Variants in DNAI7 observed in about 807,000 individuals in gnomAD.
DNAI7 encodes the protein dynein axonemal intermediate chain 7.
Under a neutral mutation model 86.6 loss-of-function variants are expected in DNAI7, and 78 were observed. That is an observed-to-expected ratio of 0.90 (90% CI 0.75 to 1.09). The LOEUF (loss-of-function observed/expected upper bound fraction) is 1.09, where lower values mean the gene tolerates loss of function less well. Ranked by LOEUF, DNAI7 falls within the 50% of genes least tolerant of loss-of-function variation. DNAI7 has a pLI of 0.00. For synonymous variants in DNAI7, 274 were observed against 273.0 expected, an observed-to-expected ratio of 1.00 and a Z score of -0.04; for missense variants, 753 against 810.2, an observed-to-expected ratio of 0.93 and a Z score of 0.86.
intron 14 of DNAI7, among the ~76,000 whole-genome samples, chr12:25,111,471 T>C (rs1938804938): frequency 6.6e-6 from 1 of 152,226 alleles, no homozygotes; most frequent in Non-Finnish European, 1.5e-5. Flanking sequence ...GGAAATCTCA[T>C]ATAATATCCA....
intron 12 of DNAI7, among the ~76,000 whole-genome samples, chr12:25,117,938 C>CTTTCT (rs1555154890): frequency 0.39 from 53,071 of 134,532 alleles, 12,697 homozygotes; most frequent in East Asian, 0.77. Context: ...TTTTCTTTTT[C>CTTTCT]TTTTTTTTTT....
intron 9 of DNAI7, among the ~76,000 whole-genome samples, chr12:25,139,783 C>T (rs954302920): frequency 6.6e-6 from 1 of 152,094 alleles, no homozygotes; most frequent in Non-Finnish European, 1.5e-5. Flanking sequence ...ACCACCATGG[C>T]ACATGTATAC....
At chr12:25,155,102 A>G (rs1427928749) in intron 5 of DNAI7, among the ~76,000 whole-genome samples, 1 of 152,260 alleles carries the variant, frequency 6.6e-6, no homozygotes, top group Non-Finnish European at 1.5e-5. Context: ...GTCAGAGTCA[A>G]AGAATATAAA....
At chr12:25,107,900 T>A, downstream of DNAI7, 1 of 1,614,186 alleles carries the variant, frequency 6.2e-7, no homozygotes, top group Non-Finnish European at 8.5e-7. Flanking sequence ...TCTATTGCAT[T>A]CATTGTACTG....
chr12:25,190,859 T>G (rs1490584314), intron 1 of DNAI7, among the ~76,000 whole-genome samples: 1 of 152,190 alleles, frequency 6.6e-6, no homozygotes, highest in Non-Finnish European at 1.5e-5. Flanking sequence ...AAAACTAAGT[T>G]CACCTACTGA....
At chr12:25,170,787 AC>A (rs1337869565) in intron 2 of DNAI7, among the ~76,000 whole-genome samples, 3 of 152,192 alleles carry the variant, frequency 2.0e-5, no homozygotes, top group African/African-American at 7.2e-5. Flanking sequence ...ACTCTCTCAC[AC>A]CAAAGTGGAA....
chr12:25,109,682 G>C (rs2140319539), intron 15 of DNAI7, among the ~76,000 whole-genome samples: 1 of 152,130 alleles, frequency 6.6e-6, no homozygotes, highest in Non-Finnish European at 1.5e-5. Context: ...CAAAAAATTT[G>C]AATTTTTTTT....
At chr12:25,174,127 TG>T (rs1351476905) in intron 2 of DNAI7, among the ~76,000 whole-genome samples, 1 of 148,082 alleles carries the variant, frequency 6.8e-6, no homozygotes, top group Non-Finnish European at 1.5e-5. Flanking sequence ...CACTTTTTGA[TG>T]GGTTTGTTTT....
At chr12:25,183,108 A>G (rs1450560402) in intron 2 of DNAI7, among the ~76,000 whole-genome samples, 2 of 152,180 alleles carry the variant, frequency 1.3e-5, no homozygotes, top group Non-Finnish European at 1.5e-5. Context: ...ATACAGTTGG[A>G]GGCCATTACC....
rs750147660 is a variant in DNAI7 at position 25,147,039 on chromosome 12, A to C, written c.651T>G (p.Val217=). 6.2e-7 allele frequency: 1 copy of C among 1,606,260 alleles called. No individual in the cohort carries two copies. The highest frequency in any genetic ancestry group is 1.1e-5 in the South Asian group (1 of 90,914). ...TGAGGTTTGCCCACACATACAGAGT[A>C]ACATTTTCATCTTTAATGACTTTTT... The part of the protein sequence containing the change: ...NMEKVIKDEN[V]TLYVWANLKK... The change falls in exon 8 of 16, where the codon GTT becomes GTG. Residue 217 remains valine (V), a synonymous_variant. Coordinates refer to ENST00000395987, the MANE Select transcript of DNAI7 (RefSeq NM_018272.5).
chr12:25,172,188 G>T (rs938099043), intron 2 of DNAI7, among the ~76,000 whole-genome samples: 2 of 151,860 alleles, frequency 1.3e-5, no homozygotes, highest in African/African-American at 4.8e-5. Flanking sequence ...CTGTTTGCTG[G>T]CAATATGATA....
chr12:25,160,004 G>T (rs1476963631), intron 3 of DNAI7, among the ~76,000 whole-genome samples: 1 of 151,968 alleles, frequency 6.6e-6, no homozygotes, highest in South Asian at 2.1e-4. Flanking sequence ...TAAAAATTTA[G>T]GCTGCTCTAT....
At chr12:25,154,783 C>T (rs1489869768) in intron 5 of DNAI7, among the ~76,000 whole-genome samples, 1 of 152,162 alleles carries the variant, frequency 6.6e-6, no homozygotes, top group African/African-American at 2.4e-5. Context: ...AACACTTAGG[C>T]TAATTTCTAC....
chr12:25,156,009 G>C (rs58915146), intron 4 of DNAI7, among the ~76,000 whole-genome samples: 3,409 of 152,224 alleles, frequency 0.022, 106 homozygotes, highest in African/African-American at 0.078. Flanking sequence ...GGAGGCTGAA[G>C]GGGGAGAACT....
chr12:25,117,229 C>T (rs568218979), intron 12 of DNAI7, among the ~76,000 whole-genome samples: 44 of 152,220 alleles, frequency 2.9e-4, no homozygotes, highest in Middle Eastern at 6.8e-3. Context: ...CCACTGCGAC[C>T]GGCCTACTGT....
intron 2 of DNAI7, among the ~76,000 whole-genome samples, chr12:25,190,317 T>TA (rs768856004): frequency 2.6e-5 from 4 of 152,168 alleles, no homozygotes; most frequent in Non-Finnish European, 5.9e-5. Context: ...AAGGGGTTCC[T>TA]AATCCAACAT....
intron 2 of DNAI7, among the ~76,000 whole-genome samples, chr12:25,187,911 A>G (rs1299477781): frequency 6.6e-6 from 1 of 152,214 alleles, no homozygotes; most frequent in African/African-American, 2.4e-5. Flanking sequence ...GCAAAAAAAA[A>G]AGAAGGCTTG....
chr12:25,114,965 T>C (rs1939775768), intron 12 of DNAI7, 95 bp from the exon 13 acceptor site: 3 of 886,716 alleles, frequency 3.4e-6, no homozygotes, highest in Non-Finnish European at 5.2e-6. Flanking sequence ...TGTGTATAAA[T>C]TGATCTTTCA....
intron 14 of DNAI7, among the ~76,000 whole-genome samples, chr12:25,110,754 C>T (rs1357895511): frequency 6.6e-6 from 1 of 152,164 alleles, no homozygotes; most frequent in Non-Finnish European, 1.5e-5. Flanking sequence ...TCCGGATCTA[C>T]CTTTTCTTTT....
Sources: gnomAD v4.1 joint callset for allele counts (sites outside exome capture counted in the v4.1 genomes callset) on GRCh38, gnomAD v4.1.1 for gene constraint, MANE v1.5 for transcripts, NCBI Gene and HGNC (gene_info 2026-07-23, HGNC 2026-07-21) for gene names.